The following AP3D1 variants were observed in gnomAD, a reference collection of about 807,000 sequenced individuals.
AP3D1 encodes the protein AP-3 complex subunit delta-1.
AP3D1 carries 51 observed loss-of-function variants against 147.6 expected under a neutral mutation model. The observed-to-expected ratio is 0.35, with a 90% confidence interval of 0.28 to 0.44. The LOEUF (loss-of-function observed/expected upper bound fraction) is 0.44. Ranked by LOEUF, AP3D1 falls within the 20% of genes least tolerant of loss-of-function variation. The pLI, the probability that AP3D1 is intolerant of heterozygous loss-of-function variation, is 1.00. For missense variants in AP3D1, 1,421 were observed against 1,624.2 expected, an observed-to-expected ratio of 0.87 and a Z score of 2.15; for synonymous variants, 760 against 663.0, an observed-to-expected ratio of 1.15 and a Z score of -2.25.
intron 9 of AP3D1, among the ~76,000 whole-genome samples, chr19:2,126,169 G>A (rs985962305): frequency 1.3e-5 from 2 of 152,110 alleles, no homozygotes; most frequent in African/African-American, 2.4e-5. Context: ...CTCTTGCCTC[G>A]GCCTCCTGAA....
intron 8 of AP3D1, among the ~76,000 whole-genome samples, 169 bp downstream of exon 8, chr19:2,128,916 AACACT>A (rs2018849274): frequency 5.1e-3 from 1 of 196 alleles, no homozygotes; most frequent in East Asian, 0.25. Flanking sequence ...CCGCCGCTCC[AACACT>A]GCACCCCGTG....
intron 1 of AP3D1, among the ~76,000 whole-genome samples, chr19:2,150,217 T>A (rs1408427366): frequency 2.0e-5 from 3 of 152,208 alleles, no homozygotes; most frequent in African/African-American, 7.2e-5. Context: ...CCTCTGGTAC[T>A]GGGACTGGTG....
chr19:2,145,853 G>A (rs2019342814), intron 1 of AP3D1, among the ~76,000 whole-genome samples: 1 of 152,228 alleles, frequency 6.6e-6, no homozygotes, highest in Non-Finnish European at 1.5e-5. Context: ...CCTCTTTGAA[G>A]AGAGAGCTTC....
chr19:2,127,521 T>TG (rs1460463987), intron 8 of AP3D1, among the ~76,000 whole-genome samples: 2 of 152,204 alleles, frequency 1.3e-5, no homozygotes, highest in Non-Finnish European at 2.9e-5. Context: ...GAGTTTTTTT[T>TG]GTTTTGTTTT....
intron 31 of AP3D1, among the ~76,000 whole-genome samples, 191 bp from the exon 32 acceptor site, chr19:2,102,459 T>G (rs2017981696): frequency 6.6e-6 from 1 of 152,026 alleles, no homozygotes; most frequent in South Asian, 2.1e-4. Flanking sequence ...CCGGGTGCGG[T>G]GGCTCACGCC....
rs2017940668 is a variant in AP3D1 at position 2,101,165 on chromosome 19, A to G, written c.*1008T>C. 6.6e-6 allele frequency: 1 copy of G among 152,626 alleles called. No individual in the cohort carries two copies. The highest frequency in any genetic ancestry group is 6.5e-5 in the Admixed American group (1 of 15,282). The allele number at this position is 152,626 out of a possible 1,614,324, so 9.5% of individuals were successfully genotyped here. ...GGATTCTGTAATGGATTACATGCTA[A>G]AGTGACAGTTTTCATCAAAAGGAGA... is the stretch of plus-strand genomic sequence containing the variant. On this transcript the variant is annotated 3_prime_UTR_variant, in exon 32 of 32. Coordinates refer to ENST00000643116, the MANE Select transcript of AP3D1 (RefSeq NM_001261826.3).
intron 1 of AP3D1, among the ~76,000 whole-genome samples, chr19:2,140,012 T>A (rs2019178120): frequency 6.6e-6 from 1 of 152,092 alleles, no homozygotes; most frequent in African/African-American, 2.4e-5. Context: ...CCTCCATGCT[T>A]TATGATCCAA....
rs374854602 is a variant in AP3D1, at chr19:2,103,036, G to A, written c.3553-768C>T. On this transcript the variant is annotated intron_variant, in intron 31 of 31. Coordinates refer to ENST00000643116, the MANE Select transcript of AP3D1 (RefSeq NM_001261826.3). ...CTATGCGGGAGGCTGAGGCGGGAGG[G>A]TCGCTTGAGCCCAGGAGGGTGAAGT... 2.5e-4 allele frequency among the ~76,000 whole-genome samples: 38 copies of A among 151,680 alleles called. No homozygotes were observed. In the East Asian group the frequency reaches 7.5e-3, roughly 30 times the overall value.
In AP3D1 at chr19:2,130,503, G is replaced by C. The variant is rs1344169971; in HGVS notation, c.497C>G (p.Ala166Gly). Residue 166 changes from alanine (A) to glycine (G), a missense_variant, in exon 6 of 32, where the codon GCT (alanine) becomes GGT (glycine). Ala to Gly is a moderately conservative substitution (Grantham distance 60). Around this residue, in one of 6 missense-constraint regions of AP3D1, gnomAD observed 292 missense variants for 412.0 expected, o/e 0.71. Coordinates refer to ENST00000643116, the MANE Select transcript of AP3D1 (RefSeq NM_001261826.3). ...SHTKPYIRKK[A>G]VLIMYKVFLK... is the part of the protein sequence containing the mutation. ...GAACACCTTGTACATGATCAGCACA[G>C]CCTTCTTCCTGATGTAGGGCTTGGT... is the stretch of plus-strand genomic sequence containing the variant. 1 of 1,613,966 alleles carries C rather than the reference G, an allele frequency of 6.2e-7. No homozygotes were observed. Among genetic ancestry groups the C allele is most frequent in the East Asian group, 2.2e-5 (1 of 44,898 alleles).
chr19:2,124,833 T>G (rs1027406346), intron 9 of AP3D1, among the ~76,000 whole-genome samples: 4 of 152,068 alleles, frequency 2.6e-5, no homozygotes, highest in Admixed American at 1.3e-4. Flanking sequence ...CCAGCTACTC[T>G]GGAGGCTGAG....
chr19:2,102,385 G>A (rs1243807463), intron 31 of AP3D1, 117 bp from the exon 32 acceptor site: 1 of 833,260 alleles, frequency 1.2e-6, no homozygotes, highest in East Asian at 2.5e-5. Flanking sequence ...CCTGAGGTCA[G>A]GAGTTCAAAA....
intron 31 of AP3D1, among the ~76,000 whole-genome samples, chr19:2,107,259 C>CAAA (rs112132801): frequency 8.3e-6 from 1 of 121,182 alleles, no homozygotes. Context: ...GACTCCATCT[C>CAAA]AAAAAAAAAA....
At chr19:2,106,468 G>T (rs1011225485) in intron 31 of AP3D1, among the ~76,000 whole-genome samples, 1 of 152,272 alleles carries the variant, frequency 6.6e-6, no homozygotes, top group South Asian at 2.1e-4. Context: ...AGAACTGCTT[G>T]AACCTGGGAG....
intron 7 of AP3D1, 77 bp from the exon 8 acceptor site, chr19:2,129,240 C>A: frequency 6.2e-7 from 1 of 1,610,998 alleles, no homozygotes; most frequent in South Asian, 1.1e-5. Flanking sequence ...GCCTCGGTCA[C>A]CCGCAGGGAA....
intron 22 of AP3D1, 140 bp downstream of exon 22, chr19:2,113,985 C>A (rs562682390): frequency 6.4e-6 from 9 of 1,414,820 alleles, no homozygotes; most frequent in African/African-American, 1.5e-5. Flanking sequence ...CTCACTCCGC[C>A]GGGGCACAGG....
chr19:2,111,717 G>C lies in AP3D1; in HGVS notation c.2899C>G (p.Pro967Ala), dbSNP rs751622663. 1.2e-6 allele frequency: 2 copies of C among 1,602,034 alleles called. No individual in the cohort carries two copies. The highest frequency in any genetic ancestry group is 2.3e-5 in the East Asian group (1 of 44,362). ...PPGSEEAAGE[P>A]VQNGAPEEEQ... The stretch of plus-strand genomic sequence containing the variant: ...TCCTCTGGCGCGCCATTCTGCACCG[G>C]CTCCCCCGCTGCCTCCTCGCTGCCT... Residue 967 changes from proline to alanine, a missense_variant, in exon 25 of 32, where the codon CCG becomes GCG. Pro to Ala is a conservative substitution (Grantham distance 27, BLOSUM62 -1). Transcript: ENST00000643116.
At chr19:2,127,909 C>T (rs10406120) in intron 8 of AP3D1, among the ~76,000 whole-genome samples, 6 of 152,240 alleles carry the variant, frequency 3.9e-5, no homozygotes, top group African/African-American at 1.4e-4. Flanking sequence ...TCACCTGCAG[C>T]GTAGGGCCGC....
rs760739957 is a variant in AP3D1 at position 2,137,775 on chromosome 19, G to A, written c.225C>T (p.Ala75=). The part of the protein sequence containing the change: ...LQMLGYDISW[A]AFNIIEVMSA... The stretch of plus-strand genomic sequence containing the variant: ...TCATCACTTCTATGATGTTGAAGGC[G>A]GCCCAGCTGATGTCGTATCCCAACA... The change falls in exon 3 of 32, where the codon GCC becomes GCT. Residue 75 remains alanine, a synonymous_variant. Coordinates refer to ENST00000643116, the MANE Select transcript of AP3D1 (RefSeq NM_001261826.3). 3.0e-5 allele frequency: 49 copies of A among 1,613,912 alleles called. No individual in the cohort carries two copies. The East Asian group carries it at 3.6e-4, about 12-fold the overall frequency.
chr19:2,121,110 T>C lies in AP3D1; in HGVS notation c.1251-18A>G. The C allele has an allele frequency of 6.2e-7, 1 of 1,613,530 alleles. No homozygotes were observed. Among genetic ancestry groups the C allele is most frequent in the Non-Finnish European group, 8.5e-7 (1 of 1,179,736 alleles). ...TGATGTACCTGTGGGGCAGAGGCGG[T>C]GAGTGAGCGGCGCCACGGAACCCCC... On this transcript the variant is annotated intron_variant, in intron 13 of 31. Coordinates refer to ENST00000643116, the MANE Select transcript of AP3D1 (RefSeq NM_001261826.3).
Sources: allele counts gnomAD v4.1 joint callset (sites outside exome capture counted in the v4.1 genomes callset), GRCh38; gene constraint gnomAD v4.1.1; regional missense constraint gnomAD v4.1.1; transcripts MANE v1.5; gene names NCBI Gene and HGNC (gene_info 2026-07-23, HGNC 2026-07-21).